SLC36A1: variants seen among roughly 807,000 people sequenced by gnomAD.
SLC36A1 encodes the protein solute carrier family 36 member 1, also known as proton-coupled amino acid transporter 1.
In SLC36A1, 30 loss-of-function variants were observed where a neutral mutation model predicts 47.5. The observed-to-expected ratio is 0.63, with a 90% CI of 0.47 to 0.86. The LOEUF (loss-of-function observed/expected upper bound fraction) is 0.86, where lower values mean the gene tolerates loss of function less well. Ranked by LOEUF, SLC36A1 falls within the 40% of genes least tolerant of loss-of-function variation. The pLI is 0.00. For missense variants in SLC36A1, 517 were observed against 606.0 expected (o/e 0.85, Z 1.54); for synonymous variants, 255 against 249.7 (o/e 1.02, Z -0.20).
the SLC36A1 span, chr5:151,531,777 C>T: frequency 1.4e-5 from 22 of 1,612,400 alleles, no homozygotes; most frequent in Non-Finnish European, 1.7e-5. The surrounding 1 kb of genome is among the most constrained non-coding windows in gnomAD (Gnocchi z 5.7). Flanking sequence ...GGCCCACCAC[C>T]GAGACTGTGA....
chr5:151,441,871 G>T (rs74381749), intron 1 of SLC36A1, among the ~76,000 whole-genome samples: 9,131 of 152,160 alleles, frequency 0.06, 683 homozygotes, highest in African/African-American at 0.17. Context: ...TCACAATCAA[G>T]ATGGTGAACA....
rs1760029538 is a variant in SLC36A1 at position 151,490,659 on chromosome 5, A to G, written c.*2405A>G. On this transcript the variant is annotated 3_prime_UTR_variant, in exon 11 of 11. Transcript: ENST00000243389. ...TAGGATTTCTGGAAGCCAATTTGGC[A>G]TGGCCTATTTGATCTCTGGCTTGTG... 1 of 152,280 alleles carries G rather than the reference A, an allele frequency of 6.6e-6. No individual in the cohort carries two copies. Among genetic ancestry groups the G allele is most frequent in the Non-Finnish European group, 1.5e-5 (1 of 68,088 alleles). 9.4% of individuals were successfully genotyped at this position (152,280 alleles called of 1,614,324 possible). A position where few individuals can be genotyped will look rare whatever the true frequency, so the allele number is the denominator to read the frequency against.
chr5:151,496,312 GGAACTGTAAATCGAATTAA>G (rs1760339782), downstream of SLC36A1, among the ~76,000 whole-genome samples: 1 of 152,182 alleles, frequency 6.6e-6, no homozygotes, highest in African/African-American at 2.4e-5. Context: ...TCAGCTATGT[GGAACTGTAAATCGAATTAA>G]ACCTCTTTCT....
the SLC36A1 span, among the ~76,000 whole-genome samples, chr5:151,532,400 CACACA>C: frequency 6.7e-6 from 1 of 149,478 alleles, no homozygotes; most frequent in Non-Finnish European, 1.5e-5. Flanking sequence ...CACACACACA[CACACA>C]CACACACACA....
the SLC36A1 span, among the ~76,000 whole-genome samples, chr5:151,430,410 G>A: frequency 6.9e-6 from 1 of 144,312 alleles, no homozygotes; most frequent in Admixed American, 7.0e-5. Context: ...TGCAACCTCC[G>A]CCTCCTGGGT....
At chr5:151,529,377 T>C in the SLC36A1 span, 17 of 1,613,650 alleles carry the variant, frequency 1.1e-5, no homozygotes, top group African/African-American at 1.2e-4. Context: ...CAGGCTTGCG[T>C]TGACATACAG....
the SLC36A1 span, chr5:151,366,462 GGTCCCCACCAAAAATCCCACAAA>G: frequency 7.4e-6 from 2 of 271,004 alleles, no homozygotes; most frequent in Non-Finnish European, 1.5e-5. Flanking sequence ...GGGCCTAGAA[GGTCCCCACCAAAAATCCCACAAA>G]GCCCAGGATG....
Position 151,483,299 on chromosome 5 carries a change from A to C in SLC36A1, c.1159+3810A>C, listed in dbSNP as rs898903357. On this transcript the variant is annotated intron_variant, in intron 10 of 10. Coordinates refer to ENST00000243389, the MANE Select transcript of SLC36A1 (RefSeq NM_078483.4). ...ATGACTGTTGGCCTTATGTTGCTTCAGCAGTTTAAAAGCTCATATTCTTTG... is the reference window on the plus strand; with the variant it reads ...ATGACTGTTGGCCTTATGTTGCTTCCGCAGTTTAAAAGCTCATATTCTTTG... Among the ~76,000 whole-genome samples, 4 of 152,186 alleles carry C rather than the reference A, an allele frequency of 2.6e-5. No individual in the cohort carries two copies. In the South Asian group the frequency reaches 8.3e-4, roughly 31 times the overall value.
chr5:151,540,729 T>C, the SLC36A1 span: 2 of 1,614,122 alleles, frequency 1.2e-6, no homozygotes, highest in Non-Finnish European at 1.7e-6. Flanking sequence ...CATCTCCAAC[T>C]TGGCTGATGC....
the SLC36A1 span, among the ~76,000 whole-genome samples, chr5:151,427,439 C>A: frequency 1.8e-4 from 28 of 152,336 alleles, no homozygotes; most frequent in South Asian, 2.1e-3. Flanking sequence ...CCTGTTCTGG[C>A]AACCACCATG....
the SLC36A1 span, among the ~76,000 whole-genome samples, chr5:151,515,406 C>T: frequency 6.6e-6 from 1 of 152,192 alleles, no homozygotes; most frequent in Non-Finnish European, 1.5e-5. Context: ...CACGTATGCG[C>T]TGAAGACTCC....
At chr5:151,438,580 ATTTT>A (rs1462603504) in intron 1 of SLC36A1, among the ~76,000 whole-genome samples, 4 of 152,166 alleles carry the variant, frequency 2.6e-5, no homozygotes, top group Non-Finnish European at 5.9e-5. Context: ...TGTGAGCAGC[ATTTT>A]GTTCCAAGAA....
the SLC36A1 span, among the ~76,000 whole-genome samples, chr5:151,407,150 A>G: frequency 1.3e-5 from 2 of 152,230 alleles, no homozygotes; most frequent in Non-Finnish European, 2.9e-5. Flanking sequence ...AAGAGTGAGC[A>G]GCAGCAAGAT....
At chr5:151,528,144 G>T in the SLC36A1 span, 2 of 1,612,868 alleles carry the variant, frequency 1.2e-6, no homozygotes, top group African/African-American at 1.3e-5. Flanking sequence ...CTGCGGTGGG[G>T]TAGGGGGATT....
At chr5:151,355,021 C>T in the SLC36A1 span, among the ~76,000 whole-genome samples, 1 of 152,146 alleles carries the variant, frequency 6.6e-6, no homozygotes, top group African/African-American at 2.4e-5. Flanking sequence ...GTCCTCCCTA[C>T]TGACCGAGGA....
the SLC36A1 span, among the ~76,000 whole-genome samples, chr5:151,394,745 C>A: frequency 6.6e-6 from 1 of 152,224 alleles, no homozygotes; most frequent in Admixed American, 6.5e-5. Context: ...ATGTTGCTGC[C>A]TGATCGTTCC....
chr5:151,399,713 A>G, the SLC36A1 span, among the ~76,000 whole-genome samples: 1 of 152,232 alleles, frequency 6.6e-6, no homozygotes, highest in African/African-American at 2.4e-5. Flanking sequence ...AGAGATTTTC[A>G]GTTCTCTCAT....
upstream of SLC36A1, among the ~76,000 whole-genome samples, chr5:151,443,074 T>C (rs1162576894): frequency 4.6e-5 from 7 of 152,318 alleles, no homozygotes; most frequent in East Asian, 7.7e-4. Context: ...ATCTTGGCTG[T>C]TGTGAATAAA....
the SLC36A1 span, chr5:151,551,521 C>G: frequency 0.022 from 34,835 of 1,614,126 alleles, 555 homozygotes; most frequent in South Asian, 0.055. Context: ...AGTTATAGTT[C>G]GACCTTCTCC....
Sources: allele counts gnomAD v4.1 joint callset (sites outside exome capture counted in the v4.1 genomes callset), GRCh38; gene constraint gnomAD v4.1.1; non-coding constraint Gnocchi (gnomAD v3.1); transcripts MANE v1.5; gene names NCBI Gene and HGNC (gene_info 2026-07-23, HGNC 2026-07-21).